DSCAML1: variants seen among roughly 807,000 people sequenced by gnomAD.
The protein encoded by DSCAML1 is DS cell adhesion molecule like 1.
Under a neutral mutation model 200.5 loss-of-function variants are expected in DSCAML1, and 38 were observed. The observed-to-expected ratio is 0.19, with a 90% CI of 0.15 to 0.25. The LOEUF is 0.25. DSCAML1 is among the 10% of genes least tolerant of loss of function. The pLI is 1.00. For missense variants in DSCAML1, 2,223 were observed against 2,858.8 expected (o/e 0.78, Z 5.07); for synonymous variants, 1,215 against 1,165.0 (o/e 1.04, Z -0.87).
chr11:117,557,415 C>A (rs911497051), intron 3 of DSCAML1, among the ~76,000 whole-genome samples: 6 of 152,170 alleles, frequency 3.9e-5, no homozygotes, highest in Non-Finnish European at 7.3e-5. Flanking sequence ...CCCCAGCCCC[C>A]CTCCTGACCA....
intron 3 of DSCAML1, among the ~76,000 whole-genome samples, chr11:117,537,356 G>A (rs545109090): frequency 9.8e-5 from 15 of 152,312 alleles, no homozygotes; most frequent in African/African-American, 3.6e-4. Flanking sequence ...CTTCCACCAT[G>A]GAAGGCGTGG....
chr11:117,431,798 C>G (rs576055977), intron 30 of DSCAML1, 70 bp from the exon 31 acceptor site: 2 of 1,431,628 alleles, frequency 1.4e-6, no homozygotes, highest in South Asian at 3.0e-5. Context: ...CTGGCACTTA[C>G]CAGAAAGGGC....
intron 20 of DSCAML1, among the ~76,000 whole-genome samples, chr11:117,448,543 C>T (rs558789973): frequency 1.0e-4 from 15 of 149,990 alleles, no homozygotes; most frequent in Non-Finnish European, 1.5e-4. Context: ...GGGAAGAAGC[C>T]GCGGGGCAAA....
At chr11:117,485,650 C>A (rs1398255385) in intron 11 of DSCAML1, among the ~76,000 whole-genome samples, 1 of 152,248 alleles carries the variant, frequency 6.6e-6, no homozygotes, top group Non-Finnish European at 1.5e-5. Context: ...CTAGTCCTAT[C>A]CCCAAGGGGT....
chr11:117,428,687 G>C lies in DSCAML1; in HGVS notation c.5803C>G (p.Arg1935Gly), dbSNP rs1221042708. Residue 1935 changes from arginine (R) to glycine (G), a missense_variant, in exon 33 of 33, where the codon CGA becomes GGA. Transcript: ENST00000651296. ...PREASIRNLA[R>G]TYHTQARHLT... The stretch of plus-strand genomic sequence containing the variant: ...TGGCGAGCCTGGGTGTGGTAGGTTC[G>C]AGCCAGGTTCCGGATGGAGGCCTCA... The C allele has an allele frequency of 6.2e-7, 1 of 1,612,956 alleles. No homozygotes were observed. Among genetic ancestry groups the C allele is most frequent in the Non-Finnish European group, 8.5e-7 (1 of 1,179,646 alleles).
chr11:117,628,344 C>T (rs944263658), intron 3 of DSCAML1, among the ~76,000 whole-genome samples: 3 of 152,198 alleles, frequency 2.0e-5, no homozygotes, highest in African/African-American at 7.2e-5. Flanking sequence ...GGCTGATCCT[C>T]ATGACCTCTG....
intron 3 of DSCAML1, among the ~76,000 whole-genome samples, chr11:117,704,255 T>C (rs1352026669): frequency 6.6e-6 from 1 of 151,986 alleles, no homozygotes; most frequent in African/African-American, 2.4e-5. Flanking sequence ...CAAAAAATGA[T>C]AAAAACTTAA....
chr11:117,751,234 C>G (rs1591471347), intron 3 of DSCAML1, among the ~76,000 whole-genome samples: 1 of 152,028 alleles, frequency 6.6e-6, no homozygotes, highest in African/African-American at 2.4e-5. Flanking sequence ...AACTGTGTTC[C>G]ACTTCTTAAA....
chr11:117,457,408 A>G (rs1350874410), intron 19 of DSCAML1, among the ~76,000 whole-genome samples: 2 of 152,096 alleles, frequency 1.3e-5, no homozygotes, highest in Non-Finnish European at 2.9e-5. Context: ...AGGCAAGAAG[A>G]AGGCTGGGGG....
intron 8 of DSCAML1, among the ~76,000 whole-genome samples, chr11:117,513,476 C>A (rs1204776344): frequency 2.6e-5 from 4 of 152,192 alleles, no homozygotes; most frequent in Non-Finnish European, 5.9e-5. Flanking sequence ...AGCGGTGGCT[C>A]ATGCCTGTAA....
chr11:117,639,101 T>G (rs1049000342), intron 3 of DSCAML1, among the ~76,000 whole-genome samples: 1 of 152,038 alleles, frequency 6.6e-6, no homozygotes, highest in African/African-American at 2.4e-5. Flanking sequence ...ACAACTAGGG[T>G]CCAGAGGAAA....
chr11:117,461,480 C>T lies in DSCAML1; in HGVS notation c.3382G>A (p.Val1128Ile). ...TLNGVLKGYRVIFWSLYVDGE... is the reference protein window; with the variant it reads ...TLNGVLKGYRIIFWSLYVDGE... Reference sequence around the variant, plus strand: ...TCAACATAGAGGGACCAGAAGATGACCCGATAGCCTTTGAGGACGCCATTG... The same window carrying T: ...TCAACATAGAGGGACCAGAAGATGATCCGATAGCCTTTGAGGACGCCATTG... The change falls in exon 18 of 33, where the codon GTC becomes ATC. Residue 1128 changes from valine (V) to isoleucine (I), a missense_variant. This residue lies in a region of DSCAML1 where 438 missense variants were observed against 629.7 expected (regional missense o/e 0.70). Coordinates refer to ENST00000651296, the MANE Select transcript of DSCAML1 (RefSeq NM_020693.4). 1 of 1,614,216 alleles carries T rather than the reference C, an allele frequency of 6.2e-7. No individual in the cohort carries two copies. Among genetic ancestry groups the T allele is most frequent in the Non-Finnish European group, 8.5e-7 (1 of 1,180,050 alleles).
intron 3 of DSCAML1, among the ~76,000 whole-genome samples, chr11:117,701,821 A>G (rs905940167): frequency 6.6e-6 from 1 of 152,080 alleles, no homozygotes; most frequent in Non-Finnish European, 1.5e-5. Context: ...AGGCCTGGTG[A>G]CCTGGACGTC....
chr11:117,721,442 T>C (rs1294095942), intron 3 of DSCAML1, among the ~76,000 whole-genome samples: 1 of 152,116 alleles, frequency 6.6e-6, no homozygotes, highest in Non-Finnish European at 1.5e-5. Flanking sequence ...CAACCATCCC[T>C]CAACAGCTGA....
chr11:117,719,449 G>A (rs1481037546), intron 3 of DSCAML1, among the ~76,000 whole-genome samples: 1 of 152,150 alleles, frequency 6.6e-6, no homozygotes, highest in Non-Finnish European at 1.5e-5. Context: ...GTCAAAGGAA[G>A]GAAAGGAAGG....
At chr11:117,490,126 C>T (rs916211541) in intron 11 of DSCAML1, among the ~76,000 whole-genome samples, 1 of 152,100 alleles carries the variant, frequency 6.6e-6, no homozygotes, top group African/African-American at 2.4e-5. Context: ...AGGAGAAAGG[C>T]ACCAGAGCCG....
chr11:117,497,242 T>A (rs545598816), intron 11 of DSCAML1, among the ~76,000 whole-genome samples: 8 of 152,298 alleles, frequency 5.3e-5, no homozygotes, highest in African/African-American at 1.4e-4. Flanking sequence ...ATGCCCAGTT[T>A]ACCCAGGGCA....
intron 3 of DSCAML1, among the ~76,000 whole-genome samples, chr11:117,700,927 C>T (rs2053656299): frequency 6.6e-6 from 1 of 152,238 alleles, no homozygotes; most frequent in African/African-American, 2.4e-5. Flanking sequence ...GGTCCTTCCT[C>T]CTAAGACAGC....
At chr11:117,552,185 T>C (rs1205220315) in intron 3 of DSCAML1, among the ~76,000 whole-genome samples, 1 of 151,986 alleles carries the variant, frequency 6.6e-6, no homozygotes, top group Non-Finnish European at 1.5e-5. Context: ...GCTACGTCCC[T>C]ACTGGGCTGT....
Sources: gnomAD v4.1 joint callset for allele counts (sites outside exome capture counted in the v4.1 genomes callset) on GRCh38, gnomAD v4.1.1 for gene constraint, gnomAD v4.1.1 regional missense constraint, MANE v1.5 for transcripts, NCBI Gene and HGNC (gene_info 2026-07-23, HGNC 2026-07-21) for gene names.